ZNF644: variants seen among roughly 807,000 people sequenced by gnomAD.
ZNF644 encodes the protein zinc finger motif enhancer binding protein 2.
Under a neutral mutation model 108.0 loss-of-function variants are expected in ZNF644, and 20 were observed. That is an observed-to-expected ratio of 0.19 (90% CI 0.13 to 0.27). ZNF644 has a LOEUF of 0.27. Ranked by LOEUF, ZNF644 falls within the 10% of genes least tolerant of loss-of-function variation. The probability of loss-of-function intolerance (pLI) is 1.00; values close to 1 mark genes in which losing one functional copy is unlikely to be tolerated. For synonymous variants in ZNF644, 542 were observed against 539.1 expected (o/e 1.01, Z -0.08); for missense variants, 1,338 against 1,548.9 (o/e 0.86, Z 2.29).
At chr1:91,011,215 C>A (rs895789175) in intron 1 of ZNF644, among the ~76,000 whole-genome samples, 1 of 152,038 alleles carries the variant, frequency 6.6e-6, no homozygotes, top group African/African-American at 2.4e-5. Flanking sequence ...TTCTTCAAGA[C>A]AAATACTGAA....
intron 1 of ZNF644, among the ~76,000 whole-genome samples, chr1:91,003,916 A>C (rs1223182438): frequency 1.3e-5 from 2 of 152,144 alleles, no homozygotes; most frequent in Non-Finnish European, 2.9e-5. Context: ...ATGAGAAAAA[A>C]ACAAATTGTA....
chr1:90,993,534 G>C (rs1557641208), intron 1 of ZNF644, among the ~76,000 whole-genome samples: 2 of 152,156 alleles, frequency 1.3e-5, no homozygotes, highest in Non-Finnish European at 2.9e-5. Flanking sequence ...ACAATAATTA[G>C]CTAACTGACA....
In ZNF644 at chr1:90,955,132, C is replaced by T. The variant is rs1479301074; in HGVS notation, c.45-13823G>A. 4.6e-5 allele frequency among the ~76,000 whole-genome samples: 7 copies of T among 152,124 alleles called. No individual in the cohort carries two copies. The South Asian group carries it at 6.2e-4, about 14-fold the overall frequency. On this transcript the variant is annotated intron_variant, in intron 2 of 5. Transcript: ENST00000337393. ...AGGTGCATTGTCAATGAGCATATTTCGAAAAGGAGTCTTTTCTAGCAGGTC... is the reference window on the plus strand; with the variant it reads ...AGGTGCATTGTCAATGAGCATATTTTGAAAAGGAGTCTTTTCTAGCAGGTC...
chr1:91,018,947 G>A (rs1660653886), intron 1 of ZNF644, among the ~76,000 whole-genome samples: 1 of 152,128 alleles, frequency 6.6e-6, no homozygotes, highest in Non-Finnish European at 1.5e-5. Context: ...TAACCTGAAA[G>A]TGACTCTAAT....
chr1:90,952,897 C>T (rs1164103050), intron 2 of ZNF644, among the ~76,000 whole-genome samples: 2 of 150,432 alleles, frequency 1.3e-5, no homozygotes, highest in South Asian at 2.1e-4. Flanking sequence ...TAAATAAAAA[C>T]TACACTTAGA....
At chr1:90,982,796 C>A (rs776697815) in intron 1 of ZNF644, among the ~76,000 whole-genome samples, 13 of 151,752 alleles carry the variant, frequency 8.6e-5, no homozygotes, top group Non-Finnish European at 1.6e-4. Flanking sequence ...TATTGGAACA[C>A]ATAAAAGTAT....
At chr1:91,015,485 C>G (rs1032929975) in intron 1 of ZNF644, among the ~76,000 whole-genome samples, 2 of 151,888 alleles carry the variant, frequency 1.3e-5, no homozygotes, top group South Asian at 2.1e-4. Flanking sequence ...CTTCTTCTCT[C>G]TACTAATAGT....
intron 2 of ZNF644, among the ~76,000 whole-genome samples, chr1:90,960,920 A>T (rs937487834): frequency 3.9e-5 from 6 of 152,166 alleles, no homozygotes; most frequent in Non-Finnish European, 7.4e-5. Flanking sequence ...TCAGAATCCT[A>T]AACAAGAATC....
At chr1:90,949,201 T>C (rs1445436786) in intron 2 of ZNF644, among the ~76,000 whole-genome samples, 1 of 151,280 alleles carries the variant, frequency 6.6e-6, no homozygotes, top group Non-Finnish European at 1.5e-5. Context: ...ATATATTGAA[T>C]TTATATATTT....
At chr1:90,945,264 A>C (rs1413254452) in intron 2 of ZNF644, among the ~76,000 whole-genome samples, 1 of 152,096 alleles carries the variant, frequency 6.6e-6, no homozygotes, top group Non-Finnish European at 1.5e-5. Flanking sequence ...TTCCCCATAT[A>C]ATCATATAAC....
chr1:90,994,378 TAAAG>T lies in ZNF644; in HGVS notation c.-17-12012_-17-12009del, dbSNP rs564826549. ...CAAGCACACAAAAATTATCTCTGGATAAAGACAGTATCACTGTAGGGCTCTGTAT... is the reference window on the plus strand; with the variant it reads ...CAAGCACACAAAAATTATCTCTGGATACAGTATCACTGTAGGGCTCTGTAT... On this transcript the variant is annotated intron_variant, in intron 1 of 5. Transcript: ENST00000337393. 2.6e-5 allele frequency among the ~76,000 whole-genome samples: 4 copies of T among 152,262 alleles called. No homozygotes were observed. In the East Asian group the frequency reaches 7.7e-4, roughly 29 times the overall value.
rs1282934615 is a variant in ZNF644, at chr1:90,977,797, T to C, written c.44+4513A>G. On this transcript the variant is annotated intron_variant, in intron 2 of 5. Transcript: ENST00000337393. ...AATATTTATTGCAGCAGTACTTATA[T>C]ACAGGCAAAAAATCCTGAGACTTAC... Among the ~76,000 whole-genome samples, 5 of 152,270 alleles carry C rather than the reference T, an allele frequency of 3.3e-5. No homozygotes were observed. In the East Asian group the frequency reaches 9.6e-4, roughly 29 times the overall value.
chr1:90,929,624 C>A (rs146325299), intron 4 of ZNF644, among the ~76,000 whole-genome samples: 2 of 152,172 alleles, frequency 1.3e-5, no homozygotes, highest in African/African-American at 4.8e-5. Context: ...CATTGGGAAG[C>A]TTTCACAATA....
intron 1 of ZNF644, among the ~76,000 whole-genome samples, chr1:90,984,291 G>A (rs1045047516): frequency 2.0e-5 from 3 of 152,158 alleles, no homozygotes; most frequent in Admixed American, 6.5e-5. Context: ...AAGATGTTAC[G>A]AACTGCATTG....
At chr1:91,018,509 G>T (rs1660617359) in intron 1 of ZNF644, among the ~76,000 whole-genome samples, 1 of 152,092 alleles carries the variant, frequency 6.6e-6, no homozygotes. Context: ...ATTTTACAAG[G>T]TTACTAATTT....
intron 1 of ZNF644, among the ~76,000 whole-genome samples, chr1:90,983,666 C>T (rs1006197346): frequency 2.0e-5 from 3 of 152,072 alleles, no homozygotes; most frequent in African/African-American, 7.2e-5. Context: ...GTGGCTCACA[C>T]CTGTAATCCC....
intron 1 of ZNF644, among the ~76,000 whole-genome samples, chr1:90,984,034 T>C (rs1020043436): frequency 2.0e-5 from 3 of 152,254 alleles, no homozygotes; most frequent in Middle Eastern, 3.4e-3. Flanking sequence ...CCCACCAGTA[T>C]CAGGGAGAAG....
chr1:90,961,099 G>A (rs1654293604), intron 2 of ZNF644, among the ~76,000 whole-genome samples: 1 of 152,028 alleles, frequency 6.6e-6, no homozygotes, highest in Non-Finnish European at 1.5e-5. Flanking sequence ...CGATACAAGT[G>A]GTAAATATGT....
At chr1:91,013,412 G>A (rs1486090624) in intron 1 of ZNF644, among the ~76,000 whole-genome samples, 2 of 150,262 alleles carry the variant, frequency 1.3e-5, no homozygotes, top group Non-Finnish European at 3.0e-5. Context: ...TATGAGACAC[G>A]AATTAGGCAC....
Sources: gnomAD v4.1 joint callset for allele counts (sites outside exome capture counted in the v4.1 genomes callset) on GRCh38, gnomAD v4.1.1 for gene constraint, MANE v1.5 for transcripts, NCBI Gene and HGNC (gene_info 2026-07-23, HGNC 2026-07-21) for gene names.